Variants in ATAD5 observed in about 807,000 individuals in gnomAD.
The protein encoded by ATAD5 is ATPase family AAA domain containing 5, also known as ATPase family AAA domain-containing protein 5.
A neutral mutation model predicts 176.9 loss-of-function variants in ATAD5; 58 were observed. That is an observed-to-expected ratio of 0.33 (90% CI 0.27 to 0.41). The LOEUF is 0.41. ATAD5 is among the 10% of genes least tolerant of loss of function. The pLI, the probability that ATAD5 is intolerant of heterozygous loss-of-function variation, is 1.00. For synonymous variants in ATAD5, 640 were observed against 712.6 expected, an observed-to-expected ratio of 0.90 and a Z score of 1.62; for missense variants, 1,789 against 2,094.1, an observed-to-expected ratio of 0.85 and a Z score of 2.84.
At chr17:30,857,227 T>C (rs1334136814) in intron 8 of ATAD5, 115 bp downstream of exon 8, 1 of 1,249,564 alleles carries the variant, frequency 8.0e-7, no homozygotes, top group Non-Finnish European at 1.1e-6. Flanking sequence ...GTTTAATTTT[T>C]TTTTTTTTTG....
At chr17:30,855,113 C>T (rs1302813016) in intron 6 of ATAD5, 30 bp from the exon 7 acceptor site, 19 of 1,538,186 alleles carry the variant, frequency 1.2e-5, no homozygotes, top group Non-Finnish European at 1.7e-5. Flanking sequence ...ATAACCTTAG[C>T]TTTTCTTTTT....
Position 30,865,625 on chromosome 17 carries a change from CAAT to C in ATAD5, c.3137-75_3137-73del. 4 of 822,724 alleles carry C rather than the reference CAAT, an allele frequency of 4.9e-6. No homozygotes were observed. The East Asian group carries it at 8.8e-5, about 18-fold the overall frequency. The allele number at this position is 822,724 out of a possible 1,614,324, so 51.0% of individuals were successfully genotyped here. ...GCAAATACCTACTGTGACATTGTAA[CAAT>C]AATGTAAATGACTAATAATTCATAT... On this transcript the variant is annotated intron_variant, in intron 10 of 22. Transcript: ENST00000321990.
At chr17:30,863,179 C>T (rs1047706101) in intron 10 of ATAD5, among the ~76,000 whole-genome samples, 4 of 151,998 alleles carry the variant, frequency 2.6e-5, no homozygotes, top group Non-Finnish European at 4.4e-5. Context: ...CAGAGCAAGA[C>T]CCTGTCTCAA....
At chr17:30,841,687 C>G (rs1221643194) in intron 4 of ATAD5, among the ~76,000 whole-genome samples, 2 of 152,150 alleles carry the variant, frequency 1.3e-5, no homozygotes, top group Non-Finnish European at 2.9e-5. Context: ...CTGCTTCTGT[C>G]TCTGTAGATT....
intron 18 of ATAD5, among the ~76,000 whole-genome samples, chr17:30,884,099 T>G (rs572632851): frequency 4.6e-4 from 70 of 152,262 alleles, no homozygotes; most frequent in African/African-American, 1.7e-3. Flanking sequence ...CATTCTACTT[T>G]GTTTATATGA....
At chr17:30,877,684 C>A in intron 16 of ATAD5, 135 bp downstream of exon 16, 1 of 900,698 alleles carries the variant, frequency 1.1e-6, no homozygotes, top group East Asian at 2.7e-5. Flanking sequence ...GAAATTAAAG[C>A]AAATTAAACT....
chr17:30,863,973 G>C (rs867574136), intron 10 of ATAD5: 1 of 151,344 alleles, frequency 6.6e-6, no homozygotes, highest in Non-Finnish European at 1.5e-5. Context: ...CCTACTTTTT[G>C]TATTTTTAGT....
chr17:30,871,993 T>C (rs1378607489), intron 14 of ATAD5, among the ~76,000 whole-genome samples: 1 of 152,174 alleles, frequency 6.6e-6, no homozygotes, highest in Non-Finnish European at 1.5e-5. Flanking sequence ...ACGATTATGG[T>C]TCCCTGCCAC....
rs761410843 is a variant in ATAD5 at position 30,837,215 on chromosome 17, C to T, written c.1977C>T (p.Phe659=). ...FDSESPIRMK[F]TRISTPKKSK... is the part of the protein sequence containing the mutation. ...CTTATTTTTATTTCAGAATGAAATT[C>T]ACCAGAATTAGTACTCCCAAAAAAT... The change falls in exon 3 of 23, where the codon TTC becomes TTT. Residue 659 remains phenylalanine (F), a synonymous_variant. Transcript: ENST00000321990. 4 of 1,507,280 alleles carry T rather than the reference C, an allele frequency of 2.7e-6. No individual in the cohort carries two copies. The Admixed American group carries it at 8.8e-5, about 33-fold the overall frequency. 93.4% of individuals were successfully genotyped at this position (1,507,280 alleles called of 1,614,324 possible).
intron 6 of ATAD5, among the ~76,000 whole-genome samples, chr17:30,848,385 G>A (rs1283413240): frequency 6.6e-6 from 1 of 152,122 alleles, no homozygotes; most frequent in African/African-American, 2.4e-5. Flanking sequence ...AAGTAGCTGG[G>A]ACTACAGGCA....
rs1402914460 is a variant in ATAD5, at chr17:30,893,472, C to T, written c.4619C>T (p.Ala1540Val). ...TCAGTAACTGTGGATGCCAGTGCAG[C>T]AACAAAAAGTATGAATTGTCTTGCT... ...GPSVTVDASA[A>V]TKSMNCLARK... is the part of the protein sequence containing the mutation. The change falls in exon 21 of 23, where the codon GCA becomes GTA. Residue 1540 changes from alanine (A) to valine (V), a missense_variant. Physicochemically the swap from Ala to Val is moderately conservative, Grantham distance 64. Coordinates refer to ENST00000321990, the MANE Select transcript of ATAD5 (RefSeq NM_024857.5). 1.2e-6 allele frequency: 2 copies of T among 1,613,358 alleles called. No homozygotes were observed. The highest frequency in any genetic ancestry group is 2.2e-5 in the South Asian group (2 of 90,904).
At chr17:30,846,079 G>T (rs909853178) in intron 6 of ATAD5, among the ~76,000 whole-genome samples, 5 of 152,102 alleles carry the variant, frequency 3.3e-5, no homozygotes, top group African/African-American at 1.2e-4. Context: ...ATCTTATCAA[G>T]AAATAACAAT....
Position 30,887,105 on chromosome 17 carries a change from G to A in ATAD5, c.4078-87G>A, listed in dbSNP as rs1368582343. The stretch of plus-strand genomic sequence containing the variant: ...GATAATGTGAATTTTAGCAAAATTT[G>A]TCTCACTTTTAGATACTATTTGTAT... On this transcript the variant is annotated intron_variant, in intron 18 of 22. Coordinates refer to ENST00000321990, the MANE Select transcript of ATAD5 (RefSeq NM_024857.5). 7 of 1,190,756 alleles carry A rather than the reference G, an allele frequency of 5.9e-6. No individual in the cohort carries two copies. In the East Asian group the frequency reaches 1.9e-4, roughly 33 times the overall value. 73.8% of individuals were successfully genotyped at this position (1,190,756 alleles called of 1,614,324 possible). A position where few individuals can be genotyped will look rare whatever the true frequency, so the allele number is the denominator to read the frequency against.
chr17:30,847,902 A>G (rs1160558247), intron 6 of ATAD5, among the ~76,000 whole-genome samples: 5 of 150,504 alleles, frequency 3.3e-5, no homozygotes, highest in Non-Finnish European at 7.4e-5. Flanking sequence ...TTGTATTTTT[A>G]GTAGAGATGG....
At chr17:30,879,061 C>T (rs1908857623) in intron 17 of ATAD5, among the ~76,000 whole-genome samples, 1 of 152,038 alleles carries the variant, frequency 6.6e-6, no homozygotes. Flanking sequence ...CATAGTTGGC[C>T]AGGTGTGGTG....
chr17:30,884,128 T>C (rs1354622754), intron 18 of ATAD5, among the ~76,000 whole-genome samples: 1 of 151,928 alleles, frequency 6.6e-6, no homozygotes, highest in Non-Finnish European at 1.5e-5. Context: ...ATGCTAGATA[T>C]AAATGGAATC....
chr17:30,884,290 G>A (rs1187612494), intron 18 of ATAD5, among the ~76,000 whole-genome samples: 1 of 151,834 alleles, frequency 6.6e-6, no homozygotes, highest in Non-Finnish European at 1.5e-5. Flanking sequence ...CAAAGTGCTG[G>A]GATTACAGGC....
chr17:30,890,784 AAAC>A (rs1909596425), intron 19 of ATAD5, among the ~76,000 whole-genome samples: 1 of 152,126 alleles, frequency 6.6e-6, no homozygotes, highest in African/African-American at 2.4e-5. Context: ...CTTAAAAAAA[AAAC>A]AGATACATAA....
rs1304362734 is a variant in ATAD5 at position 30,847,716 on chromosome 17, CATT to C, written c.2450+2801_2450+2803del. 1.2e-4 allele frequency among the ~76,000 whole-genome samples: 17 copies of C among 139,354 alleles called. 1 individual carries two copies. Among genetic ancestry groups the C allele is most frequent in the South Asian group, 1.1e-3 (5 of 4,348 alleles). 91.4% of individuals were successfully genotyped at this position (139,354 alleles called of 152,430 possible). On this transcript the variant is annotated intron_variant, in intron 6 of 22. Coordinates refer to ENST00000321990, the MANE Select transcript of ATAD5 (RefSeq NM_024857.5). ...CTATTATTAAATAGACTGCTATGAA[CATT>C]TTTTTTTTTTTTTTTTTTGAGACAG...
Sources: allele counts gnomAD v4.1 joint callset (sites outside exome capture counted in the v4.1 genomes callset), GRCh38; gene constraint gnomAD v4.1.1; transcripts MANE v1.5; gene names NCBI Gene and HGNC (gene_info 2026-07-23, HGNC 2026-07-21).